SARNP: variants seen among roughly 807,000 people sequenced by gnomAD.
SARNP encodes SAP domain containing ribonucleoprotein.
In SARNP, 5 loss-of-function variants were observed where a neutral mutation model predicts 38.1. That is an observed-to-expected ratio of 0.13 (90% CI 0.07 to 0.28). The LOEUF (loss-of-function observed/expected upper bound fraction) is 0.28. SARNP is among the 10% of genes least tolerant of loss of function. SARNP has a pLI of 1.00. For missense variants in SARNP, 180 were observed against 243.9 expected, an observed-to-expected ratio of 0.74 and a Z score of 1.75; for synonymous variants, 84 against 80.6, an observed-to-expected ratio of 1.04 and a Z score of -0.23.
intron 9 of SARNP, among the ~76,000 whole-genome samples, chr12:55,774,575 C>CAAAAAAAAAAA (rs1187594580): frequency 2.4e-5 from 1 of 41,216 alleles, no homozygotes; most frequent in East Asian, 1.2e-3. Flanking sequence ...AAAAAAAAAA[C>CAAAAAAAAAAA]AAACAAAAAA....
intron 9 of SARNP, among the ~76,000 whole-genome samples, chr12:55,779,188 A>G (rs1344969101): frequency 6.6e-6 from 1 of 152,216 alleles, no homozygotes; most frequent in Non-Finnish European, 1.5e-5. Flanking sequence ...GGTTAATCTA[A>G]GTTGAAAAGA....
chr12:55,807,929 TTTTG>T (rs1462025655), intron 1 of SARNP, among the ~76,000 whole-genome samples: 2 of 152,202 alleles, frequency 1.3e-5, no homozygotes, highest in African/African-American at 4.8e-5. Flanking sequence ...ACTTTAAATT[TTTTG>T]TTTGTTATAA....
intron 7 of SARNP, among the ~76,000 whole-genome samples, chr12:55,791,054 T>C (rs530188588): frequency 1.3e-5 from 2 of 152,356 alleles, no homozygotes; most frequent in Admixed American, 6.5e-5. Flanking sequence ...TTAATGAACC[T>C]TGAAAACTAT....
Position 55,768,116 on chromosome 12 carries a change from T to C in SARNP, c.502-7476A>G, listed in dbSNP as rs181161839. ...AACCATCTCCCTCCTTCCCTCCCTC[T>C]CTCTCTCTCTTATTTATTTATTTAT... On this transcript the variant is annotated intron_variant, in intron 9 of 10. Transcript: ENST00000336133. 1.2e-3 allele frequency among the ~76,000 whole-genome samples: 177 copies of C among 151,984 alleles called. 7 individuals carry two copies. The highest frequency in any genetic ancestry group is 7.5e-3 in the Admixed American group (114 of 15,244).
At chr12:55,760,744 G>C (rs1878650003) in intron 9 of SARNP, 104 bp from the exon 10 acceptor site, 7 of 751,776 alleles carry the variant, frequency 9.3e-6, no homozygotes, top group Non-Finnish European at 1.4e-5. Context: ...AACCAACCCT[G>C]TGCCAAGAAC....
chr12:55,791,315 C>A (rs923725300), intron 7 of SARNP, among the ~76,000 whole-genome samples: 1 of 152,158 alleles, frequency 6.6e-6, no homozygotes, highest in African/African-American at 2.4e-5. Context: ...AATGGATGAA[C>A]TGTATGTTAT....
At chr12:55,795,030 G>A in intron 5 of SARNP, 150 bp from the exon 6 acceptor site, 3 of 548,880 alleles carry the variant, frequency 5.5e-6, no homozygotes, top group South Asian at 4.7e-5. Context: ...CATGATCTCG[G>A]CTCACTGCAA....
At chr12:55,808,110 T>C (rs967424465) in intron 1 of SARNP, among the ~76,000 whole-genome samples, 10 of 152,202 alleles carry the variant, frequency 6.6e-5, no homozygotes, top group Non-Finnish European at 1.3e-4. Context: ...TACATAGTTG[T>C]ATTACTTCTT....
chr12:55,790,570 A>G lies in SARNP; in HGVS notation c.429T>C (p.Pro143=), dbSNP rs747611642. The G allele has an allele frequency of 2.2e-5, 35 of 1,555,884 alleles. No homozygotes were observed. The highest frequency in any genetic ancestry group is 3.0e-5 in the Non-Finnish European group (34 of 1,151,698). ...GAAATAAAAAAAGATTTCTTACCAT[A>G]GGTTTGTTATCAGATGACAGACCTA... is the stretch of plus-strand genomic sequence containing the variant. ...PTKGLSSDNK[P]MVNLDKLKER... The change falls in exon 8 of 11, where the codon CCT becomes CCC. Residue 143 remains proline, a synonymous_variant. Transcript: ENST00000336133.
downstream of SARNP, chr12:55,757,163 G>C (rs1878531693): frequency 5.8e-6 from 1 of 173,826 alleles, no homozygotes; most frequent in African/African-American, 2.4e-5. Flanking sequence ...TCTTCTAAGG[G>C]ATAAAGGTAT....
Position 55,801,218 on chromosome 12 carries a change from C to T in SARNP, c.137-318G>A, listed in dbSNP as rs559664761. Reference sequence around the variant, plus strand: ...ATCTGGGAGGCAGAGGCAGGTGGATCGTTTGAACCTAGGAGTTCAAGCGAC... The same window carrying T: ...ATCTGGGAGGCAGAGGCAGGTGGATTGTTTGAACCTAGGAGTTCAAGCGAC... On this transcript the variant is annotated intron_variant, in intron 2 of 10. Transcript: ENST00000336133. 2.0e-5 allele frequency among the ~76,000 whole-genome samples: 3 copies of T among 152,286 alleles called. No homozygotes were observed. In the South Asian group the frequency reaches 6.2e-4, roughly 32 times the overall value.
chr12:55,801,980 G>A (rs1447096973), intron 2 of SARNP, among the ~76,000 whole-genome samples: 1 of 152,136 alleles, frequency 6.6e-6, no homozygotes, highest in African/African-American at 2.4e-5. Context: ...AGAAATGCCT[G>A]CAAGCCAACA....
At chr12:55,759,613 G>T (rs1206512792) in intron 10 of SARNP, among the ~76,000 whole-genome samples, 4 of 152,036 alleles carry the variant, frequency 2.6e-5, no homozygotes, top group Non-Finnish European at 5.9e-5. Context: ...ATAAATAAAT[G>T]TATTTTTAGT....
chr12:55,766,616 CGGG>C (rs58583137), intron 9 of SARNP, among the ~76,000 whole-genome samples: 2,584 of 38,142 alleles, frequency 0.068, 76 homozygotes, highest in African/African-American at 0.16. Flanking sequence ...GTTTTTTTGG[CGGG>C]GGGGGGGGGG....
At chr12:55,758,961 G>A (rs1878596877) in intron 10 of SARNP, among the ~76,000 whole-genome samples, 1 of 146,042 alleles carries the variant, frequency 6.8e-6, no homozygotes, top group Non-Finnish European at 1.5e-5. Context: ...CTGGAGTACA[G>A]GGGTGCCATC....
intron 10 of SARNP, among the ~76,000 whole-genome samples, chr12:55,757,758 G>A (rs746063438): frequency 4.6e-5 from 7 of 152,124 alleles, no homozygotes; most frequent in Non-Finnish European, 8.8e-5. Context: ...AGTTTAATGG[G>A]TAAGGAGGGT....
At chr12:55,763,996 G>A (rs1440605713) in intron 9 of SARNP, among the ~76,000 whole-genome samples, 2 of 152,138 alleles carry the variant, frequency 1.3e-5, no homozygotes, top group Non-Finnish European at 2.9e-5. Flanking sequence ...AACTCCCAAG[G>A]AGGAAGGATC....
chr12:55,759,946 C>A (rs1021034743), intron 10 of SARNP, among the ~76,000 whole-genome samples: 2 of 151,988 alleles, frequency 1.3e-5, no homozygotes, highest in Non-Finnish European at 2.9e-5. Context: ...CCATGTTGCC[C>A]AGGCTGGTCT....
At chr12:55,808,551 C>T (rs1306511506) in intron 1 of SARNP, among the ~76,000 whole-genome samples, 1 of 152,136 alleles carries the variant, frequency 6.6e-6, no homozygotes, top group African/African-American at 2.4e-5. Flanking sequence ...CCCGCCTCGG[C>T]CTCCCAAAGT....
Sources: gnomAD v4.1 joint callset for allele counts (sites outside exome capture counted in the v4.1 genomes callset) on GRCh38, gnomAD v4.1.1 for gene constraint, MANE v1.5 for transcripts, NCBI Gene and HGNC (gene_info 2026-07-23, HGNC 2026-07-21) for gene names.